Variants in MYH16 observed in about 807,000 individuals in gnomAD.
The protein encoded by MYH16 is putative uncharacterized protein MYH16.
intron 36 of MYH16, among the ~76,000 whole-genome samples, 186 bp downstream of exon 17, chr7:99,298,181 T>G (rs1461659255): frequency 6.6e-6 from 1 of 152,108 alleles, no homozygotes; most frequent in Non-Finnish European, 1.5e-5. Flanking sequence ...GTCTAGTTTA[T>G]GAACACTTTG....
At chr7:99,310,527 G>A (rs1792745567), downstream of MYH16, among the ~76,000 whole-genome samples, 2 of 152,148 alleles carry the variant, frequency 1.3e-5, no homozygotes, top group South Asian at 4.1e-4. Flanking sequence ...TATGCCCAAA[G>A]GTGTCTCTAA....
At chr7:99,270,467 G>A (rs1792033836) in intron 18 of MYH16, among the ~76,000 whole-genome samples, 1 of 151,398 alleles carries the variant, frequency 6.6e-6, no homozygotes, top group Admixed American at 6.6e-5. Context: ...GACTACAGGC[G>A]CCCGCCACCA....
At chr7:99,244,695 TGAA>T (rs1452395584) in intron 2 of MYH16, among the ~76,000 whole-genome samples, 1 of 152,180 alleles carries the variant, frequency 6.6e-6, no homozygotes, top group African/African-American at 2.4e-5. Flanking sequence ...TGAAATCTCT[TGAA>T]GATATTTGCT....
chr7:99,308,542 C>G (rs967423316), downstream of MYH16, among the ~76,000 whole-genome samples: 6 of 152,060 alleles, frequency 3.9e-5, no homozygotes, highest in African/African-American at 1.4e-4. Flanking sequence ...GAATGTGATT[C>G]TGGAGGAGTG....
At chr7:99,301,553 T>C (rs183090364) in intron 37 of MYH16, 48 bp from the exon 19 acceptor site, 1 of 152,854 alleles carries the variant, frequency 6.5e-6, no homozygotes, top group African/African-American at 2.4e-5. Context: ...CCCAAGGTGA[T>C]ACCACGGCCC....
At chr7:99,248,117 A>G (rs1554476669) in intron 3 of MYH16, among the ~76,000 whole-genome samples, 1 of 151,818 alleles carries the variant, frequency 6.6e-6, no homozygotes, top group African/African-American at 2.4e-5. Flanking sequence ...TTTTTTCTTT[A>G]TTTTGAGATA....
chr7:99,299,699 C>T (rs1792558665), intron 37 of MYH16, 41 bp downstream of exon 18: 1 of 152,968 alleles, frequency 6.5e-6, no homozygotes, highest in Admixed American at 6.6e-5. Flanking sequence ...ACAAGGCACA[C>T]CATCATTGGT....
intron 36 of MYH16, among the ~76,000 whole-genome samples, chr7:99,298,296 A>G (rs11505837): frequency 0.11 from 16,747 of 150,480 alleles, 2,522 homozygotes; most frequent in African/African-American, 0.34. Context: ...ATAGTGGTGC[A>G]ATCCCAGCTC....
chr7:99,268,573 GC>G (rs1267649141), intron 18 of MYH16, among the ~76,000 whole-genome samples: 2 of 152,216 alleles, frequency 1.3e-5, no homozygotes, highest in Non-Finnish European at 2.9e-5. Context: ...CCAGGGGAAG[GC>G]CCAGGGCTGC....
intron 2 of MYH16, among the ~76,000 whole-genome samples, chr7:99,245,108 C>G (rs1437556602): frequency 6.6e-6 from 1 of 152,196 alleles, no homozygotes; most frequent in African/African-American, 2.4e-5. Flanking sequence ...GCCCCCACCC[C>G]ACGGCTGAGA....
chr7:99,287,739 C>G, intron 28 of MYH16, 153 bp from the exon 10 acceptor site: 1 of 358,428 alleles, frequency 2.8e-6, no homozygotes, highest in Non-Finnish European at 5.5e-6. Flanking sequence ...GTGGGCAACC[C>G]CCACCCCCCA....
intron 12 of MYH16, chr7:99,260,449 T>C: frequency 3.9e-6 from 2 of 516,178 alleles, no homozygotes; most frequent in South Asian, 3.9e-5. Flanking sequence ...ACCAGTGACC[T>C]TCCTTGGTAT....
chr7:99,271,843 G>A (rs950056021), intron 19 of MYH16, among the ~76,000 whole-genome samples: 11 of 152,200 alleles, frequency 7.2e-5, no homozygotes, highest in African/African-American at 2.2e-4. Context: ...AGGACTACAG[G>A]TGCACTGTAC....
intron 20 of MYH16, among the ~76,000 whole-genome samples, chr7:99,277,324 G>A (rs1792128411): frequency 6.6e-6 from 1 of 152,160 alleles, no homozygotes; most frequent in Admixed American, 6.5e-5. Flanking sequence ...AGGGGAGGAT[G>A]GGCCTTCTCT....
chr7:99,245,811 C>A (rs991673451), intron 2 of MYH16, among the ~76,000 whole-genome samples: 4 of 152,210 alleles, frequency 2.6e-5, no homozygotes, highest in African/African-American at 9.6e-5. Flanking sequence ...CAGGTGTAAG[C>A]CACTGCGCCT....
intron 23 of MYH16, among the ~76,000 whole-genome samples, chr7:99,281,433 G>A (rs908030882): frequency 2.0e-5 from 3 of 151,710 alleles, no homozygotes; most frequent in African/African-American, 7.3e-5. Context: ...CTGGTGGCAC[G>A]CGCCTGTAGT....
At chr7:99,280,707 G>C (rs1251544353) in intron 22 of MYH16, among the ~76,000 whole-genome samples, 169 bp from the exon 5 acceptor site, 2 of 151,980 alleles carry the variant, frequency 1.3e-5, no homozygotes, top group Non-Finnish European at 2.9e-5. Flanking sequence ...ACTTTGAGAA[G>C]CCAAGGTTCT....
intron 33 of MYH16, among the ~76,000 whole-genome samples, chr7:99,294,537 GAA>G (rs947367418): frequency 2.1e-5 from 2 of 94,094 alleles, no homozygotes; most frequent in Admixed American, 1.0e-4. Flanking sequence ...AAAAGAAAAA[GAA>G]AAAAAGAAAA....
intron 33 of MYH16, 56 bp from the exon 15 acceptor site, chr7:99,296,645 T>A (rs1342423849): frequency 4.5e-6 from 2 of 443,548 alleles, no homozygotes; most frequent in African/African-American, 4.1e-5. Context: ...GGGGTGGGAG[T>A]AGGGGACAGA....
Sources: allele counts gnomAD v4.1 joint callset (sites outside exome capture counted in the v4.1 genomes callset), GRCh38; gene constraint gnomAD v4.1.1; transcripts MANE v1.5; gene names NCBI Gene and HGNC (gene_info 2026-07-23, HGNC 2026-07-21).